The following BLTP1 variants were observed in gnomAD, a reference collection of about 807,000 sequenced individuals.
BLTP1 encodes the protein bridge-like lipid transfer protein family member 1.
chr4:122,343,639 A>G, the BLTP1 span: 1 of 1,604,624 alleles, frequency 6.2e-7, no homozygotes, highest in Admixed American at 1.7e-5. Context: ...TGTCTTTTTC[A>G]GATTTACAGC....
At chr4:122,270,762 C>A in the BLTP1 span, among the ~76,000 whole-genome samples, 2 of 152,030 alleles carry the variant, frequency 1.3e-5, no homozygotes. Context: ...TCAGTGAAAT[C>A]ATTTCTTAAC....
chr4:122,269,935 A>G, the BLTP1 span, among the ~76,000 whole-genome samples: 4 of 151,744 alleles, frequency 2.6e-5, no homozygotes, highest in African/African-American at 4.8e-5. Flanking sequence ...ATGGTATACC[A>G]TTTTCTTTTT....
chr4:122,336,887 G>A, the BLTP1 span: 1 of 1,597,770 alleles, frequency 6.3e-7, no homozygotes. Flanking sequence ...ACAGCTGTCA[G>A]CTCACAAGAT....
At chr4:122,156,947 C>T in the BLTP1 span, among the ~76,000 whole-genome samples, 1 of 152,128 alleles carries the variant, frequency 6.6e-6, no homozygotes, top group Non-Finnish European at 1.5e-5. Flanking sequence ...AAGGGCTACT[C>T]TACAAAGTTT....
the BLTP1 span, chr4:122,304,971 T>G: frequency 6.2e-7 from 1 of 1,613,790 alleles, no homozygotes; most frequent in African/African-American, 1.3e-5. Flanking sequence ...TAGGACAAAT[T>G]GTCAAACATC....
the BLTP1 span, among the ~76,000 whole-genome samples, chr4:122,293,656 T>C: frequency 1.3e-5 from 2 of 151,784 alleles, no homozygotes; most frequent in Non-Finnish European, 1.5e-5. Context: ...CCCTGGGAAT[T>C]CCAGCAAGGC....
At chr4:122,293,879 C>T in the BLTP1 span, among the ~76,000 whole-genome samples, 1 of 152,192 alleles carries the variant, frequency 6.6e-6, no homozygotes, top group Non-Finnish European at 1.5e-5. Context: ...TCTAGCCTGC[C>T]TGCTCCAGGG....
chr4:122,188,076 T>C, the BLTP1 span: 1 of 1,492,250 alleles, frequency 6.7e-7, no homozygotes, highest in East Asian at 2.5e-5. Context: ...TATGTTGGTC[T>C]TCAAAATGAT....
At chr4:122,305,642 C>T in the BLTP1 span, 11 of 957,838 alleles carry the variant, frequency 1.1e-5, no homozygotes, top group Non-Finnish European at 1.4e-5. Flanking sequence ...ATATGGACCT[C>T]ATCCTAACTT....
chr4:122,220,528 G>A, the BLTP1 span: 2 of 1,421,494 alleles, frequency 1.4e-6, no homozygotes, highest in South Asian at 2.5e-5. Context: ...TATTTATTGG[G>A]TTAAAACAAT....
chr4:122,205,936 A>G, the BLTP1 span: 21 of 984,564 alleles, frequency 2.1e-5, no homozygotes, highest in Non-Finnish European at 2.3e-5. Flanking sequence ...CAATGCATGT[A>G]AAACATTGTG....
the BLTP1 span, chr4:122,359,844 G>GAGATT: frequency 3.6e-6 from 5 of 1,407,606 alleles, no homozygotes; most frequent in Non-Finnish European, 4.6e-6. Flanking sequence ...CTCCTGTAAT[G>GAGATT]TCTATAGCTT....
At chr4:122,319,405 G>A in the BLTP1 span, among the ~76,000 whole-genome samples, 1 of 151,246 alleles carries the variant, frequency 6.6e-6, no homozygotes, top group African/African-American at 2.4e-5. Flanking sequence ...TTTGATAAGT[G>A]TGTTTTGATT....
chr4:122,201,512 A>C, the BLTP1 span, among the ~76,000 whole-genome samples: 7 of 152,188 alleles, frequency 4.6e-5, no homozygotes, highest in African/African-American at 1.7e-4. Context: ...GCAAATAGCT[A>C]AATGTTATTT....
chr4:122,330,050 C>CA, the BLTP1 span, among the ~76,000 whole-genome samples: 1 of 151,782 alleles, frequency 6.6e-6, no homozygotes, highest in South Asian at 2.1e-4. Flanking sequence ...TCACATAGTG[C>CA]AGCATTTCCG....
the BLTP1 span, among the ~76,000 whole-genome samples, chr4:122,335,457 CAGACT>C: frequency 6.6e-6 from 1 of 152,020 alleles, no homozygotes; most frequent in Non-Finnish European, 1.5e-5. Context: ...AAAGGAATAT[CAGACT>C]AGACAAGAAT....
the BLTP1 span, among the ~76,000 whole-genome samples, chr4:122,203,164 G>T: frequency 2.6e-5 from 4 of 151,988 alleles, no homozygotes; most frequent in Non-Finnish European, 2.9e-5. Flanking sequence ...CTATAGAAAA[G>T]AAATTATCTC....
the BLTP1 span, among the ~76,000 whole-genome samples, chr4:122,290,612 C>G: frequency 1.3e-5 from 2 of 150,992 alleles, no homozygotes; most frequent in Non-Finnish European, 1.5e-5. Context: ...ACAGTGAAAC[C>G]CCATCTCTAT....
the BLTP1 span, chr4:122,345,201 C>G: frequency 7.6e-5 from 16 of 210,564 alleles, no homozygotes; most frequent in Admixed American, 2.6e-4. Flanking sequence ...TTGAGGGGAG[C>G]AGGCATGAAT....
Sources: allele counts gnomAD v4.1 joint callset (sites outside exome capture counted in the v4.1 genomes callset), GRCh38; gene constraint gnomAD v4.1.1; transcripts MANE v1.5; gene names NCBI Gene and HGNC (gene_info 2026-07-23, HGNC 2026-07-21).